Variants in EML5 observed in about 807,000 individuals in gnomAD.
EML5 encodes EMAP like 5.
Under a neutral mutation model 250.0 loss-of-function variants are expected in EML5, and 120 were observed. The ratio of observed to expected loss-of-function variants is 0.48; its 90% CI spans 0.41 to 0.56. The LOEUF (loss-of-function observed/expected upper bound fraction) is 0.56, where lower values mean the gene tolerates loss of function less well. Among genes scored for constraint, EML5 ranks in the 20% least tolerant of loss-of-function variants. The probability of loss-of-function intolerance (pLI) is 0.00; values close to 1 mark genes in which losing one functional copy is unlikely to be tolerated. For missense variants in EML5, 2,006 were observed against 2,437.6 expected (o/e 0.82, Z 3.73); for synonymous variants, 771 against 806.5 (o/e 0.96, Z 0.75).
At position 88,658,314 on chromosome 14, in the gene EML5, GTCA is replaced by G; in HGVS notation, c.3747_3749del (p.Asp1250del). The stretch of plus-strand genomic sequence containing the variant: ...TACCGCCTAGGGTAACCAACATGCT[GTCA>G]TCATAAGTCCAGCGAACATTTGTGA... On this transcript the variant is annotated inframe_deletion, in exon 26 of 44. Transcript: ENST00000554922. 1 of 1,613,812 alleles carries G rather than the reference GTCA, an allele frequency of 6.2e-7. No homozygotes were observed. Among genetic ancestry groups the G allele is most frequent in the East Asian group, 2.2e-5 (1 of 44,850 alleles).
chr14:88,631,027 A>G (rs1286839913), intron 33 of EML5, among the ~76,000 whole-genome samples: 8 of 152,184 alleles, frequency 5.3e-5, no homozygotes, highest in Non-Finnish European at 2.9e-5. Flanking sequence ...CACTGAAGTT[A>G]TTTGATGGGC....
chr14:88,658,352 T>A lies in EML5; in HGVS notation c.3712A>T (p.Ser1238Cys). 1 of 1,613,636 alleles carries A rather than the reference T, an allele frequency of 6.2e-7. No homozygotes were observed. The highest frequency in any genetic ancestry group is 1.1e-5 in the South Asian group (1 of 91,044). ...CAGCGAACATTTGTGACATGTGTAC[T>A]ATGGGCCACATACCTCTTAAACTTT... ...FGKFKRYVAH[S>C]THVTNVRWTY... Residue 1238 changes from serine to cysteine, a missense_variant, in exon 26 of 44, where the codon AGT becomes TGT. By Grantham distance (112) the Ser-to-Cys change is moderately radical. Transcript: ENST00000554922.
intron 14 of EML5, among the ~76,000 whole-genome samples, chr14:88,699,224 C>G (rs1423279009): frequency 6.6e-6 from 1 of 151,572 alleles, no homozygotes; most frequent in Non-Finnish European, 1.5e-5. Context: ...TTTTCCAAGA[C>G]GAAGGAACTA....
intron 1 of EML5, among the ~76,000 whole-genome samples, chr14:88,767,121 T>C (rs1336374860): frequency 1.3e-5 from 2 of 152,212 alleles, no homozygotes; most frequent in African/African-American, 4.8e-5. Flanking sequence ...TTCCAGAGAA[T>C]GCTGATATTT....
intron 19 of EML5, among the ~76,000 whole-genome samples, 186 bp downstream of exon 19, chr14:88,687,030 T>C (rs530148575): frequency 7.9e-5 from 12 of 152,348 alleles, no homozygotes; most frequent in Admixed American, 1.3e-4. Flanking sequence ...ATGTGTATCA[T>C]AGAAAATAGA....
rs143463347 is a variant in EML5 at position 88,698,323 on chromosome 14, T to C, written c.2239-1371A>G. Among the ~76,000 whole-genome samples, 8 of 142,614 alleles carry C rather than the reference T, an allele frequency of 5.6e-5. 1 individual carries two copies. The highest frequency in any genetic ancestry group is 2.1e-4 in the African/African-American group (8 of 37,548). The allele number at this position is 142,614 out of a possible 152,430, so 93.6% of individuals were successfully genotyped here. A position where few individuals can be genotyped will look rare whatever the true frequency, so the allele number is the denominator to read the frequency against. On this transcript the variant is annotated intron_variant, in intron 14 of 43. Coordinates refer to ENST00000554922, the MANE Select transcript of EML5 (RefSeq NM_183387.3). ...CTCCTGTTGCCCTGCTGAAGTGAAA[T>C]GGCATGATGTTGGCTCACTGCGACC...
chr14:88,688,291 T>C lies in EML5; in HGVS notation c.2722A>G (p.Ser908Gly). The change falls in exon 18 of 44, where the codon AGT becomes GGT. Residue 908 changes from serine (S) to glycine (G), a missense_variant. By Grantham distance (56) the Ser-to-Gly change is moderately conservative (BLOSUM62 0). Transcript: ENST00000554922. ...TVKAHDGPVF[S>G]MHALEKGFVT... ...CTTACTTTTTCCAATGCATGCATACTGAACACTGGCCCATCATGCGCTTTC... is the reference window on the plus strand; with the variant it reads ...CTTACTTTTTCCAATGCATGCATACCGAACACTGGCCCATCATGCGCTTTC... The C allele has an allele frequency of 1.2e-6, 2 of 1,613,990 alleles. No homozygotes were observed. Among genetic ancestry groups the C allele is most frequent in the Non-Finnish European group, 1.7e-6 (2 of 1,179,894 alleles).
chr14:88,791,354 CACAA>C (rs2094606293), intron 1 of EML5, among the ~76,000 whole-genome samples: 1 of 152,162 alleles, frequency 6.6e-6, no homozygotes, highest in Non-Finnish European at 1.5e-5. Flanking sequence ...AAGAGCACCA[CACAA>C]ACACATTCTC....
rs1192403618 is a variant in EML5 at position 88,626,939 on chromosome 14, A to G, written c.4639T>C (p.Phe1547Leu). ...AGAGCTCTTCCTGCCAGGGTCCAGA[A>G]CTTCACATGTTTTACTCCCACTGAG... ...FVSVGVKHVK[F>L]WTLAGRALLS... Residue 1547 changes from phenylalanine (F) to leucine (L), a missense_variant, in exon 35 of 44, where the codon TTC becomes CTC. Phe to Leu is a conservative substitution (Grantham distance 22). Coordinates refer to ENST00000554922, the MANE Select transcript of EML5 (RefSeq NM_183387.3). 1 of 1,613,876 alleles carries G rather than the reference A, an allele frequency of 6.2e-7. No individual in the cohort carries two copies. Among genetic ancestry groups the G allele is most frequent in the Non-Finnish European group, 8.5e-7 (1 of 1,179,884 alleles).
Position 88,621,497 on chromosome 14 carries a change from A to G in EML5, c.5014-196T>C. ...CATCTATCTGTAAGCACAATGGGCT[A>G]GATTACATATTAGAGTCCATGCTAC... On this transcript the variant is annotated intron_variant, in intron 37 of 43. Coordinates refer to ENST00000554922, the MANE Select transcript of EML5 (RefSeq NM_183387.3). 8 of 609,440 alleles carry G rather than the reference A, an allele frequency of 1.3e-5. 1 individual carries two copies. The South Asian group carries it at 1.6e-4, about 12-fold the overall frequency. 37.8% of individuals were successfully genotyped at this position (609,440 alleles called of 1,614,324 possible).
intron 28 of EML5, among the ~76,000 whole-genome samples, chr14:88,648,042 T>C (rs2091441483): frequency 1.3e-5 from 2 of 152,200 alleles, no homozygotes. Context: ...CTCGGGACTA[T>C]GCTGAATTTA....
Position 88,706,324 on chromosome 14 carries a change from G to A in EML5, c.1760C>T (p.Ser587Phe), listed in dbSNP as rs764389099. The A allele has an allele frequency of 6.2e-7, 1 of 1,610,272 alleles. No individual in the cohort carries two copies. Among genetic ancestry groups the A allele is most frequent in the Non-Finnish European group, 8.5e-7 (1 of 1,178,268 alleles). ...AGGAATAAATTTCCACTGAAAGACA[G>A]AGTGATCTGCTCCACCAATAGAAAT... Reference protein sequence around the residue: ...WVISIGGADHSVFQWKFIPER... With the variant: ...WVISIGGADHFVFQWKFIPER... The change falls in exon 11 of 44, where the codon TCT (serine) becomes TTT (phenylalanine). Residue 587 changes from serine to phenylalanine, a missense_variant. By Grantham distance (155) the Ser-to-Phe change is radical. Transcript: ENST00000554922.
In EML5 at chr14:88,715,140, T is replaced by G; in HGVS notation, c.1243A>C (p.Lys415Gln). The change falls in exon 9 of 44, where the codon AAA becomes CAA. Residue 415 changes from lysine (K) to glutamine (Q), a missense_variant. Lys to Gln is a moderately conservative substitution (Grantham distance 53, BLOSUM62 1). Around this residue, in one of 7 missense-constraint regions of EML5, gnomAD observed 1,375 missense variants for 1,590.3 expected, o/e 0.86. Transcript: ENST00000554922. The stretch of plus-strand genomic sequence containing the variant: ...AGGTAAGTTCCATCTGGTGAATATT[T>G]TAACTCATGAATTGCCTCCTTCCTA... The part of the protein sequence containing the change: ...KDRKEAIHEL[K>Q]YSPDGTYLAV... The G allele has an allele frequency of 1.2e-6, 2 of 1,611,150 alleles. No individual in the cohort carries two copies. The highest frequency in any genetic ancestry group is 1.7e-6 in the Non-Finnish European group (2 of 1,178,370).
At chr14:88,682,402 A>C (rs2092732755) in intron 20 of EML5, among the ~76,000 whole-genome samples, 1 of 147,288 alleles carries the variant, frequency 6.8e-6, no homozygotes. Context: ...ACTAGTAAAA[A>C]TCAATTAAAA....
At chr14:88,754,392 C>T (rs932829498) in intron 2 of EML5, 120 bp downstream of exon 2, 1 of 942,542 alleles carries the variant, frequency 1.1e-6, no homozygotes, top group Admixed American at 3.7e-5. Context: ...ACCTACCCAC[C>T]TCCACCTTTG....
chr14:88,769,957 T>A (rs572126604), intron 1 of EML5, among the ~76,000 whole-genome samples: 2 of 149,786 alleles, frequency 1.3e-5, no homozygotes, highest in African/African-American at 4.9e-5. Context: ...GATTACAGCA[T>A]TATGTGCAGT....
At chr14:88,786,073 C>T (rs1026888196) in intron 1 of EML5, among the ~76,000 whole-genome samples, 9 of 152,152 alleles carry the variant, frequency 5.9e-5, no homozygotes, top group Admixed American at 5.2e-4. Context: ...AAAATACTGG[C>T]ATTCTGCTTC....
intron 16 of EML5, 151 bp downstream of exon 16, chr14:88,695,210 T>C: frequency 2.9e-6 from 1 of 345,850 alleles, no homozygotes; most frequent in Non-Finnish European, 5.0e-6. Flanking sequence ...AATCATTTAC[T>C]ATGATTATAT....
chr14:88,684,975 G>C (rs781576756), intron 20 of EML5, 40 bp downstream of exon 20: 1 of 1,547,954 alleles, frequency 6.5e-7, no homozygotes, highest in Non-Finnish European at 8.8e-7. Context: ...ATAATCAATT[G>C]TATGTAAAGA....
Sources: allele counts gnomAD v4.1 joint callset (sites outside exome capture counted in the v4.1 genomes callset), GRCh38; gene constraint gnomAD v4.1.1; regional missense constraint gnomAD v4.1.1; transcripts MANE v1.5; gene names NCBI Gene and HGNC (gene_info 2026-07-23, HGNC 2026-07-21).